The following LHFPL2 variants were observed in gnomAD, a reference collection of about 807,000 sequenced individuals.
LHFPL2 encodes the protein LHFPL tetraspan subfamily member 2 protein.
LHFPL2 carries 7 observed loss-of-function variants against 17.5 expected under a neutral mutation model. That is an observed-to-expected ratio of 0.40 (90% CI 0.23 to 0.75). The LOEUF (loss-of-function observed/expected upper bound fraction) is 0.75, where lower values mean the gene tolerates loss of function less well. Among genes scored for constraint, LHFPL2 ranks in the 30% least tolerant of loss-of-function variants. The pLI, the probability that LHFPL2 is intolerant of heterozygous loss-of-function variation, is 0.37. For missense variants in LHFPL2, 241 were observed against 294.8 expected, an observed-to-expected ratio of 0.82 and a Z score of 1.34; for synonymous variants, 134 against 116.2, an observed-to-expected ratio of 1.15 and a Z score of -0.99.
intron 4 of LHFPL2, chr5:78,494,408 A>G (rs1754541741): frequency 1.0e-6 from 1 of 985,358 alleles, no homozygotes; most frequent in Non-Finnish European, 1.2e-6. Context: ...GAAGGTAACA[A>G]TTTTCATAAC....
In LHFPL2 at chr5:78,510,135, C is replaced by T. The variant is rs765122879; in HGVS notation, c.79G>A (p.Ala27Thr). The T allele has an allele frequency of 1.2e-6, 2 of 1,613,094 alleles. No individual in the cohort carries two copies. Among genetic ancestry groups the T allele is most frequent in the South Asian group, 1.1e-5 (1 of 91,062 alleles). Residue 27 changes from alanine to threonine, a missense_variant, in exon 4 of 5, where the codon GCC becomes ACC. By Grantham distance (58) the Ala-to-Thr change is moderately conservative (BLOSUM62 0). Coordinates refer to ENST00000380345, the MANE Select transcript of LHFPL2 (RefSeq NM_005779.3). ...SIVVAFAELIAFMSADWLIGK... is the reference protein window; with the variant it reads ...SIVVAFAELITFMSADWLIGK... ...ATCAGCCAGTCTGCACTCATGAAGGCAATGAGCTCGGCAAAAGCCACCACA... is the reference window on the plus strand; with the variant it reads ...ATCAGCCAGTCTGCACTCATGAAGGTAATGAGCTCGGCAAAAGCCACCACA...
chr5:78,520,807 A>G (rs1329810651), intron 3 of LHFPL2, among the ~76,000 whole-genome samples: 1 of 138,968 alleles, frequency 7.2e-6, no homozygotes, highest in Non-Finnish European at 1.5e-5. Context: ...CTTTCGGCTA[A>G]CTGCTAACTG....
At chr5:78,536,267 C>T (rs1755948926) in intron 3 of LHFPL2, among the ~76,000 whole-genome samples, 1 of 152,204 alleles carries the variant, frequency 6.6e-6, no homozygotes, top group African/African-American at 2.4e-5. Context: ...GCTGTTGCCC[C>T]TACTGTCCAG....
intron 3 of LHFPL2, among the ~76,000 whole-genome samples, chr5:78,525,503 T>C (rs1755595845): frequency 3.3e-5 from 5 of 152,150 alleles, no homozygotes; most frequent in Admixed American, 1.3e-4. Flanking sequence ...TAAGAACGAA[T>C]GCCCACACAG....
chr5:78,624,514 G>A (rs989693862), intron 2 of LHFPL2, among the ~76,000 whole-genome samples: 83 of 152,180 alleles, frequency 5.5e-4, no homozygotes, highest in African/African-American at 2.0e-3. Context: ...TGGGAGGAGG[G>A]CCCAGAGTGG....
intron 3 of LHFPL2, among the ~76,000 whole-genome samples, chr5:78,550,320 G>A (rs1756403716): frequency 6.6e-6 from 1 of 152,196 alleles, no homozygotes; most frequent in South Asian, 2.1e-4. Context: ...AGAACATGAT[G>A]ATCCCAATAG....
At chr5:78,557,986 TC>T (rs1268408444) in intron 3 of LHFPL2, among the ~76,000 whole-genome samples, 1 of 152,184 alleles carries the variant, frequency 6.6e-6, no homozygotes, top group Non-Finnish European at 1.5e-5. Context: ...ATTGAATTAA[TC>T]CAAGAGAATA....
rs1754217629 is a variant in LHFPL2, at chr5:78,485,771, CTTCACAT to C, written c.*3119_*3125del. 6.6e-6 allele frequency: 1 copy of C among 152,636 alleles called. No individual in the cohort carries two copies. Among genetic ancestry groups the C allele is most frequent in the African/African-American group, 2.4e-5 (1 of 41,428 alleles). 9.5% of individuals were successfully genotyped at this position (152,636 alleles called of 1,614,324 possible). ...ACTAAGAGAAAAGGCAACATGGCAG[CTTCACAT>C]TTCACATGAAAGACTAGCATTAACT... On this transcript the variant is annotated 3_prime_UTR_variant, in exon 5 of 5. Coordinates refer to ENST00000380345, the MANE Select transcript of LHFPL2 (RefSeq NM_005779.3).
In LHFPL2 at chr5:78,648,594, C is replaced by T. The variant is rs567009231; in HGVS notation, c.-445G>A. 1 of 152,178 alleles carries T rather than the reference C, an allele frequency of 6.6e-6. No individual in the cohort carries two copies. Among genetic ancestry groups the T allele is most frequent in the Non-Finnish European group, 1.5e-5 (1 of 68,102 alleles). 9.4% of individuals were successfully genotyped at this position (152,178 alleles called of 1,614,324 possible). On this transcript the variant is annotated 5_prime_UTR_variant, in exon 1 of 5. Coordinates refer to ENST00000380345, the MANE Select transcript of LHFPL2 (RefSeq NM_005779.3). This position sits in a 1 kb window ranked among gnomAD's most constrained non-coding sequence, Gnocchi z 5.4. ...CCTCGCAGCCACCTCGCTCTTGCCC[C>T]CGCTGGCCGCGCCTGGAAGAAGGAG...
intron 2 of LHFPL2, among the ~76,000 whole-genome samples, chr5:78,605,098 A>G (rs932612387): frequency 1.3e-5 from 2 of 152,244 alleles, no homozygotes; most frequent in Non-Finnish European, 2.9e-5. Context: ...CCCATAAGAA[A>G]AGGCTGTCCA....
chr5:78,567,922 T>A (rs1279062388), intron 2 of LHFPL2, among the ~76,000 whole-genome samples: 1 of 152,214 alleles, frequency 6.6e-6, no homozygotes, highest in Non-Finnish European at 1.5e-5. Flanking sequence ...CACCTACTGC[T>A]AAGGCTGTAC....
chr5:78,546,597 C>T (rs1382813908), intron 3 of LHFPL2, among the ~76,000 whole-genome samples: 1 of 152,186 alleles, frequency 6.6e-6, no homozygotes, highest in African/African-American at 2.4e-5. Flanking sequence ...TCTCAGTAAC[C>T]TCGACTCCAG....
At chr5:78,557,699 C>T (rs957891735) in intron 3 of LHFPL2, among the ~76,000 whole-genome samples, 3 of 152,158 alleles carry the variant, frequency 2.0e-5, no homozygotes, top group Non-Finnish European at 2.9e-5. Context: ...AAATCAGGTA[C>T]GTTTCCAAGT....
chr5:78,589,330 G>A (rs1743542480), intron 2 of LHFPL2, among the ~76,000 whole-genome samples: 1 of 151,964 alleles, frequency 6.6e-6, no homozygotes, highest in Admixed American at 6.6e-5. Flanking sequence ...AATTAGCTGG[G>A]CATGGTGGCA....
intron 2 of LHFPL2, chr5:78,590,180 G>A (rs1281199238): frequency 6.7e-6 from 1 of 150,234 alleles, no homozygotes; most frequent in Non-Finnish European, 1.5e-5. Context: ...CATCCCTTTT[G>A]GTCCAGGAAG....
At chr5:78,549,970 T>C (rs779257141) in intron 3 of LHFPL2, among the ~76,000 whole-genome samples, 3 of 152,194 alleles carry the variant, frequency 2.0e-5, no homozygotes, top group African/African-American at 7.2e-5. Flanking sequence ...TGCAAAAAAC[T>C]GGGGGTTGTT....
intron 2 of LHFPL2, among the ~76,000 whole-genome samples, chr5:78,613,740 G>T (rs900070605): frequency 6.6e-6 from 1 of 152,162 alleles, no homozygotes; most frequent in African/African-American, 2.4e-5. Context: ...CCAGGATGAT[G>T]ATTTAAAACA....
At chr5:78,537,542 C>A (rs1288531165) in intron 3 of LHFPL2, among the ~76,000 whole-genome samples, 3 of 152,190 alleles carry the variant, frequency 2.0e-5, no homozygotes, top group African/African-American at 7.2e-5. Flanking sequence ...GAGAAGAGAT[C>A]CAAGAACAGC....
At chr5:78,516,489 G>C (rs987711964) in intron 3 of LHFPL2, among the ~76,000 whole-genome samples, 2 of 152,152 alleles carry the variant, frequency 1.3e-5, no homozygotes, top group African/African-American at 4.8e-5. Context: ...CTGGTGGACA[G>C]GGGCGCTGTC....
Sources: gnomAD v4.1 joint callset for allele counts (sites outside exome capture counted in the v4.1 genomes callset) on GRCh38, gnomAD v4.1.1 for gene constraint, Gnocchi (gnomAD v3.1) non-coding constraint, MANE v1.5 for transcripts, NCBI Gene and HGNC (gene_info 2026-07-23, HGNC 2026-07-21) for gene names.